Variants in TENM1 observed in about 807,000 individuals in gnomAD.
TENM1 encodes teneurin-1.
A neutral mutation model predicts 174.8 loss-of-function variants in TENM1; 35 were observed. The observed-to-expected ratio is 0.20, with a 90% confidence interval of 0.15 to 0.27. TENM1 has a LOEUF of 0.27. TENM1 is among the 10% of genes least tolerant of loss of function. The probability of loss-of-function intolerance (pLI) is 1.00; values close to 1 mark genes in which losing one functional copy is unlikely to be tolerated. For synonymous variants in TENM1, 781 were observed against 798.7 expected (o/e 0.98, Z 0.37); for missense variants, 1,633 against 2,130.1 (o/e 0.77, Z 4.59).
intron 3 of TENM1, among the ~76,000 whole-genome samples, chrX:124,747,999 C>A (rs1403337407): frequency 8.9e-6 from 1 of 112,096 alleles, no homozygotes; most frequent in Non-Finnish European, 1.9e-5. Flanking sequence ...GACAAGCCCT[C>A]ATTTTCTGGT....
At chrX:124,821,918 C>G (rs1176906949) in intron 3 of TENM1, among the ~76,000 whole-genome samples, 1 of 111,924 alleles carries the variant, frequency 8.9e-6, no homozygotes, top group East Asian at 2.8e-4. Flanking sequence ...TCACAGATTA[C>G]TAGGGTACAA....
intron 15 of TENM1, among the ~76,000 whole-genome samples, chrX:124,531,381 A>G (rs1324778526): frequency 1.8e-5 from 2 of 110,994 alleles, no homozygotes; most frequent in Non-Finnish European, 3.8e-5. Context: ...GTAGCTTATA[A>G]TAAGCCAGAG....
At chrX:124,804,047 G>T (rs1248117153) in intron 3 of TENM1, among the ~76,000 whole-genome samples, 1 of 111,839 alleles carries the variant, frequency 8.9e-6, no homozygotes, top group Non-Finnish European at 1.9e-5. Flanking sequence ...TTAATTGGCA[G>T]TAATTGCACT....
chrX:124,674,303 C>CAAAAA (rs745969451), intron 5 of TENM1, among the ~76,000 whole-genome samples: 1 of 16,624 alleles, frequency 6.0e-5, no homozygotes, highest in African/African-American at 2.1e-4. Context: ...TATCAAAAGG[C>CAAAAA]AAAAAAAAAA....
intron 1 of TENM1, among the ~76,000 whole-genome samples, chrX:124,903,852 G>T (rs2057702644): frequency 9.0e-6 from 1 of 111,531 alleles, no homozygotes; most frequent in South Asian, 3.8e-4. Flanking sequence ...GCCTAAATGA[G>T]AAATTTTCAG....
the TENM1 span, among the ~76,000 whole-genome samples, chrX:125,007,016 C>A: frequency 9.0e-6 from 1 of 111,089 alleles, no homozygotes; most frequent in Non-Finnish European, 1.9e-5. Context: ...TAGAACTGGA[C>A]AGAGAATGAG....
At chrX:124,385,603 A>T in intron 29 of TENM1, 74 bp downstream of exon 32, 2 of 1,011,923 alleles carry the variant, frequency 2.0e-6, no homozygotes, top group Non-Finnish European at 2.7e-6. Flanking sequence ...CTTCTATCTC[A>T]CACTGTGGTC....
chrX:125,081,808 C>T, the TENM1 span, among the ~76,000 whole-genome samples: 2 of 111,330 alleles, frequency 1.8e-5, no homozygotes, highest in African/African-American at 3.3e-5. Flanking sequence ...AATATTTATT[C>T]AGCCATAAAA....
At chrX:124,419,994 T>C (rs2060633355) in intron 25 of TENM1, among the ~76,000 whole-genome samples, 1 of 112,155 alleles carries the variant, frequency 8.9e-6, no homozygotes, top group Non-Finnish European at 1.9e-5. Flanking sequence ...AATGAAATTG[T>C]ACCTTATCTT....
intron 22 of TENM1, among the ~76,000 whole-genome samples, chrX:124,462,446 T>TGGGG (rs2061188634): frequency 1.5e-4 from 1 of 6,574 alleles, no homozygotes; most frequent in Non-Finnish European, 3.8e-4. Context: ...GGGGTGGGGG[T>TGGGG]GGGGGGGAGG....
chrX:124,996,212 CT>C, the TENM1 span, among the ~76,000 whole-genome samples: 1 of 110,794 alleles, frequency 9.0e-6, no homozygotes, highest in South Asian at 3.7e-4. Flanking sequence ...CTTTCAAATT[CT>C]TTAATCCTTC....
chrX:125,050,284 T>G, the TENM1 span, among the ~76,000 whole-genome samples: 2 of 109,716 alleles, frequency 1.8e-5, no homozygotes, highest in Non-Finnish European at 3.8e-5. Flanking sequence ...TAACATTAGG[T>G]ATATCTCCTA....
At chrX:124,497,972 G>C (rs1012933450) in intron 19 of TENM1, among the ~76,000 whole-genome samples, 3 of 111,355 alleles carry the variant, frequency 2.7e-5, no homozygotes, top group Non-Finnish European at 5.7e-5. Context: ...CTCCCATCCA[G>C]AGTTCTTAAC....
At chrX:124,905,393 CAAATTTGAATTCCATT>C (rs747533635) in intron 1 of TENM1, among the ~76,000 whole-genome samples, 123 of 111,877 alleles carry the variant, frequency 1.1e-3, no homozygotes, top group Non-Finnish European at 2.1e-3. Flanking sequence ...CAGGAACTTG[CAAATTTGAATTCCATT>C]CAGAGGAAAA....
intron 8 of TENM1, among the ~76,000 whole-genome samples, chrX:124,648,163 A>C (rs1885040339): frequency 8.9e-6 from 1 of 112,155 alleles, no homozygotes; most frequent in Admixed American, 9.5e-5. Context: ...ACATTCTGAC[A>C]ATCACCACAT....
At chrX:124,870,586 G>A (rs756016255) in intron 3 of TENM1, among the ~76,000 whole-genome samples, 3 of 110,937 alleles carry the variant, frequency 2.7e-5, no homozygotes, top group Non-Finnish European at 5.7e-5. Context: ...GCAATACTTG[G>A]AGGAAGAAGA....
intron 18 of TENM1, among the ~76,000 whole-genome samples, chrX:124,517,888 G>C (rs1386193031): frequency 9.0e-6 from 1 of 110,879 alleles, no homozygotes; most frequent in African/African-American, 3.3e-5. Context: ...GAGGAATTTT[G>C]GATTATCTGC....
chrX:124,642,215 A>G (rs748408522), intron 10 of TENM1, among the ~76,000 whole-genome samples: 1 of 112,467 alleles, frequency 8.9e-6, no homozygotes, highest in African/African-American at 3.2e-5. Context: ...CTCAATTGAG[A>G]AGGAAAAGGA....
chrX:124,774,285 G>A (rs2054730131), intron 3 of TENM1, among the ~76,000 whole-genome samples: 1 of 111,522 alleles, frequency 9.0e-6, no homozygotes, highest in African/African-American at 3.3e-5. Context: ...AGCAAATGAG[G>A]CACAAATCAA....
Sources: allele counts gnomAD v4.1 joint callset (sites outside exome capture counted in the v4.1 genomes callset), GRCh38; gene constraint gnomAD v4.1.1; transcripts MANE v1.5; gene names NCBI Gene and HGNC (gene_info 2026-07-23, HGNC 2026-07-21).